The following ANGPT1 variants were observed in gnomAD, a reference collection of about 807,000 sequenced individuals.
ANGPT1 encodes angiopoietin-1.
A neutral mutation model predicts 62.2 loss-of-function variants in ANGPT1; 17 were observed. That is an observed-to-expected ratio of 0.27 (90% CI 0.19 to 0.41). The LOEUF (loss-of-function observed/expected upper bound fraction) is 0.41. Ranked by LOEUF, ANGPT1 falls within the 10% of genes least tolerant of loss-of-function variation. The pLI is 1.00. For missense variants in ANGPT1, 478 were observed against 594.9 expected (o/e 0.80, Z 2.04); for synonymous variants, 199 against 198.9 (o/e 1.00, Z 0.00).
chr8:107,361,125 C>T (rs986406095), intron 1 of ANGPT1, among the ~76,000 whole-genome samples: 4 of 152,056 alleles, frequency 2.6e-5, no homozygotes, highest in East Asian at 1.9e-4. Flanking sequence ...GCACAAATAT[C>T]AAGCAAATAT....
chr8:107,421,742 G>A (rs1810900373), intron 1 of ANGPT1, among the ~76,000 whole-genome samples: 1 of 152,130 alleles, frequency 6.6e-6, no homozygotes, highest in Admixed American at 6.6e-5. Flanking sequence ...TGCTTCGTGT[G>A]CATTATTTTA....
chr8:107,300,096 T>C (rs1471864114), intron 5 of ANGPT1, among the ~76,000 whole-genome samples: 4 of 141,248 alleles, frequency 2.8e-5, no homozygotes, highest in South Asian at 4.3e-4. Context: ...GATCTATATA[T>C]ATCTCTATAT....
In ANGPT1 at chr8:107,284,983, T is replaced by C. The variant is rs1180488277; in HGVS notation, c.1039-135A>G. On this transcript the variant is annotated intron_variant, in intron 6 of 8. Coordinates refer to ENST00000517746, the MANE Select transcript of ANGPT1 (RefSeq NM_001146.5). ...TTTTGTTTTTTACATTTTACACTTTTTCTCCAGTGATTGACATTTCAATAA... is the reference window on the plus strand; with the variant it reads ...TTTTGTTTTTTACATTTTACACTTTCTCTCCAGTGATTGACATTTCAATAA... 3 of 623,762 alleles carry C rather than the reference T, an allele frequency of 4.8e-6. No homozygotes were observed. The African/African-American group carries it at 5.7e-5, about 12-fold the overall frequency. 38.6% of individuals were successfully genotyped at this position (623,762 alleles called of 1,614,324 possible).
rs1233551954 is a variant in ANGPT1 at position 107,497,821 on chromosome 8, TTCC to T, written c.-266_-264del. 5 of 572,672 alleles carry T rather than the reference TTCC, an allele frequency of 8.7e-6. No homozygotes were observed. The highest frequency in any genetic ancestry group is 7.5e-5 in the African/African-American group (4 of 53,234). The allele number at this position is 572,672 out of a possible 1,614,324, so 35.5% of individuals were successfully genotyped here. A position where few individuals can be genotyped will look rare whatever the true frequency, so the allele number is the denominator to read the frequency against. On this transcript the variant is annotated 5_prime_UTR_variant, in exon 1 of 9. Coordinates refer to ENST00000517746, the MANE Select transcript of ANGPT1 (RefSeq NM_001146.5). ...TTGCATAGTAGCTGAGATTTATTGTTTCCTCTCTGTGTGACCGTTCAGCATGGA... is the reference window on the plus strand; with the variant it reads ...TTGCATAGTAGCTGAGATTTATTGTTTCTCTGTGTGACCGTTCAGCATGGA...
intron 2 of ANGPT1, among the ~76,000 whole-genome samples, chr8:107,344,280 T>C (rs1815757136): frequency 6.6e-6 from 1 of 152,180 alleles, no homozygotes. Context: ...AATGACACTA[T>C]AGGAAGTGAC....
At chr8:107,452,116 A>G (rs1038108516) in intron 1 of ANGPT1, among the ~76,000 whole-genome samples, 31 of 151,778 alleles carry the variant, frequency 2.0e-4, no homozygotes, top group Admixed American at 5.3e-4. Context: ...ACACTTAAAA[A>G]GATAAAATCA....
Position 107,497,443 on chromosome 8 carries a change from C to T in ANGPT1, c.116G>A (p.Gly39Glu). The change falls in exon 1 of 9, where the codon GGG becomes GAG. Residue 39 changes from glycine (G) to glutamate (E), a missense_variant. By Grantham distance (98) the Gly-to-Glu change is moderately conservative. This residue lies in a region of ANGPT1 where 343 missense variants were observed against 355.4 expected (regional missense o/e 0.97). Transcript: ENST00000517746. ...AAGAATGAAAGTGTAGGCACATTGC[C>T]CATGTTGAATCCGGTTATATCTTCT... ...SGRRYNRIQH[G>E]QCAYTFILPE... 2 of 1,614,110 alleles carry T rather than the reference C, an allele frequency of 1.2e-6. No homozygotes were observed. Among genetic ancestry groups the T allele is most frequent in the East Asian group, 2.2e-5 (1 of 44,868 alleles).
At chr8:107,453,521 C>T (rs1455454029) in intron 1 of ANGPT1, among the ~76,000 whole-genome samples, 3 of 151,970 alleles carry the variant, frequency 2.0e-5, no homozygotes, top group Non-Finnish European at 2.9e-5. Flanking sequence ...TCTCGTGAGC[C>T]TTATTCACTA....
chr8:107,356,082 A>G (rs913184899), intron 1 of ANGPT1, among the ~76,000 whole-genome samples: 1 of 152,240 alleles, frequency 6.6e-6, no homozygotes, highest in Non-Finnish European at 1.5e-5. Flanking sequence ...AGTAAGAAAT[A>G]TCATATTAGC....
intron 8 of ANGPT1, among the ~76,000 whole-genome samples, chr8:107,254,120 G>A (rs987139842): frequency 6.6e-6 from 1 of 152,018 alleles, no homozygotes; most frequent in African/African-American, 2.4e-5. Flanking sequence ...AATGACCGGC[G>A]GGTCACTGCA....
intron 4 of ANGPT1, among the ~76,000 whole-genome samples, chr8:107,321,309 G>T (rs372222080): frequency 4.6e-5 from 7 of 152,088 alleles, no homozygotes; most frequent in Admixed American, 4.6e-4. Context: ...CAGAATTAAT[G>T]AACTTAAATA....
chr8:107,481,532 CAAAAAAAAAAA>C (rs71562147), intron 1 of ANGPT1, among the ~76,000 whole-genome samples: 30 of 64,308 alleles, frequency 4.7e-4, no homozygotes, highest in Admixed American at 3.8e-3. Flanking sequence ...GACTCTGTCT[CAAAAAAAAAAA>C]AAAAAAAAAA....
intron 1 of ANGPT1, among the ~76,000 whole-genome samples, chr8:107,375,294 CAGTT>C (rs1406215622): frequency 6.6e-6 from 1 of 152,056 alleles, no homozygotes; most frequent in Non-Finnish European, 1.5e-5. Flanking sequence ...ACAAATATGG[CAGTT>C]AGTATTTTTT....
chr8:107,291,004 A>T (rs1814259140), intron 6 of ANGPT1, among the ~76,000 whole-genome samples: 1 of 152,200 alleles, frequency 6.6e-6, no homozygotes, highest in South Asian at 2.1e-4. Context: ...CATGATGACA[A>T]CTTTATATTT....
chr8:107,332,363 T>A (rs1586231537), intron 3 of ANGPT1, among the ~76,000 whole-genome samples: 2 of 152,114 alleles, frequency 1.3e-5, no homozygotes, highest in South Asian at 4.1e-4. Context: ...TCGGGTAGCA[T>A]CCAACAAAAG....
intron 1 of ANGPT1, among the ~76,000 whole-genome samples, chr8:107,487,654 C>T (rs1045351576): frequency 5.3e-5 from 8 of 152,074 alleles, no homozygotes; most frequent in Admixed American, 3.9e-4. Flanking sequence ...AGCACAGCTT[C>T]AGTGTATTTG....
At chr8:107,365,118 C>A (rs1280881586) in intron 1 of ANGPT1, among the ~76,000 whole-genome samples, 2 of 152,048 alleles carry the variant, frequency 1.3e-5, no homozygotes, top group Non-Finnish European at 2.9e-5. Flanking sequence ...ATATTGCAAG[C>A]ATTTAAGGTT....
chr8:107,293,515 G>C (rs1814334113), intron 6 of ANGPT1, among the ~76,000 whole-genome samples: 1 of 152,128 alleles, frequency 6.6e-6, no homozygotes, highest in Non-Finnish European at 1.5e-5. Flanking sequence ...AGGTCACATG[G>C]AGAAGCTTCC....
intron 7 of ANGPT1, among the ~76,000 whole-genome samples, chr8:107,281,910 GAC>G (rs1297804092): frequency 6.6e-6 from 1 of 151,914 alleles, no homozygotes; most frequent in African/African-American, 2.4e-5. Context: ...TGATCACAAA[GAC>G]ACACGCCAAT....
Sources: allele counts gnomAD v4.1 joint callset (sites outside exome capture counted in the v4.1 genomes callset), GRCh38; gene constraint gnomAD v4.1.1; regional missense constraint gnomAD v4.1.1; transcripts MANE v1.5; gene names NCBI Gene and HGNC (gene_info 2026-07-23, HGNC 2026-07-21).